TAS2R1: variants seen among roughly 807,000 people sequenced by gnomAD.
TAS2R1 encodes the protein taste receptor type 2 member 1.
For missense variants in TAS2R1, 370 were observed against 353.4 expected (o/e 1.05, Z -0.38); for synonymous variants, 141 against 134.2 (o/e 1.05, Z -0.35).
intron 1 of TAS2R1, among the ~76,000 whole-genome samples, chr5:9,691,627 G>T (rs994219702): frequency 7.2e-5 from 11 of 152,248 alleles, no homozygotes; most frequent in African/African-American, 2.7e-4. Context: ...AAACTGGCAT[G>T]AAGACTGAAG....
the TAS2R1 span, among the ~76,000 whole-genome samples, chr5:9,845,782 A>G: frequency 6.6e-6 from 1 of 152,264 alleles, no homozygotes; most frequent in Non-Finnish European, 1.5e-5. Flanking sequence ...GCAATGGATT[A>G]TTAGAGTAAT....
intron 2 of TAS2R1, chr5:9,658,935 T>C (rs1740471633): frequency 6.6e-6 from 1 of 152,224 alleles, no homozygotes. Context: ...ACTATAGCAT[T>C]CCACAAAATC....
At chr5:9,679,325 G>A (rs188185584) in intron 1 of TAS2R1, among the ~76,000 whole-genome samples, 34 of 152,286 alleles carry the variant, frequency 2.2e-4, no homozygotes, top group Admixed American at 1.4e-3. Context: ...ATTTTATAGC[G>A]CAAAGAACGA....
At chr5:9,733,657 C>G in the TAS2R1 span, among the ~76,000 whole-genome samples, 2 of 152,158 alleles carry the variant, frequency 1.3e-5, no homozygotes, top group African/African-American at 4.8e-5. Context: ...AAGCTTGAAG[C>G]TCGTGTGGAA....
intron 1 of TAS2R1, among the ~76,000 whole-genome samples, chr5:9,673,656 G>T (rs931884014): frequency 3.3e-5 from 5 of 151,032 alleles, no homozygotes; most frequent in African/African-American, 1.2e-4. Flanking sequence ...AAAAAAAACA[G>T]AATTTATCCA....
Position 9,629,201 on chromosome 5 carries a change from T to G in TAS2R1, c.832A>C (p.Ile278Leu). The G allele has an allele frequency of 2.5e-6, 4 of 1,596,346 alleles. No individual in the cohort carries two copies. Among genetic ancestry groups the G allele is most frequent in the Non-Finnish European group, 3.4e-6 (4 of 1,174,096 alleles). ...IYPSGHSLIL[I>L]LGNPKLKQNA... Reference sequence around the variant, plus strand: ...TGTTTCAATTTAGGATTTCCTAAAATTAAGATGAGAGAGTGTCCAGAAGGG... The same window carrying G: ...TGTTTCAATTTAGGATTTCCTAAAAGTAAGATGAGAGAGTGTCCAGAAGGG... Residue 278 changes from isoleucine to leucine, a missense_variant, in exon 1 of 1, where the codon ATT (isoleucine) becomes CTT (leucine). Ile to Leu is a conservative substitution (Grantham distance 5). Coordinates refer to ENST00000382492, the MANE Select transcript of TAS2R1 (RefSeq NM_019599.3).
At chr5:9,894,369 ACT>A in the TAS2R1 span, among the ~76,000 whole-genome samples, 1 of 151,848 alleles carries the variant, frequency 6.6e-6, no homozygotes, top group Non-Finnish European at 1.5e-5. Context: ...ACGCCATTGT[ACT>A]CCAGCCGTGA....
the TAS2R1 span, among the ~76,000 whole-genome samples, chr5:9,893,102 A>G: frequency 6.6e-6 from 1 of 152,166 alleles, no homozygotes; most frequent in African/African-American, 2.4e-5. Context: ...GGTTCCCCCA[A>G]TAATTCTTAC....
chr5:9,714,248 G>A (rs1474481512), upstream of TAS2R1: 1 of 152,182 alleles, frequency 6.6e-6, no homozygotes, highest in East Asian at 1.9e-4. Flanking sequence ...ATCTGTAAAT[G>A]GGATGTAGAT....
the TAS2R1 span, among the ~76,000 whole-genome samples, chr5:9,847,602 G>C: frequency 3.0e-3 from 464 of 152,330 alleles, 4 homozygotes; most frequent in East Asian, 0.046. Context: ...CCAGGGACTG[G>C]CTTGAGCCAA....
chr5:9,808,338 T>A, the TAS2R1 span, among the ~76,000 whole-genome samples: 1 of 152,170 alleles, frequency 6.6e-6, no homozygotes, highest in Non-Finnish European at 1.5e-5. Context: ...ATAAATGAAG[T>A]TAGCTATTTA....
the TAS2R1 span, among the ~76,000 whole-genome samples, chr5:9,835,356 C>T: frequency 6.6e-6 from 1 of 152,196 alleles, no homozygotes; most frequent in Non-Finnish European, 1.5e-5. Context: ...CACCTTTTTT[C>T]TGCCCACTGG....
At chr5:9,799,904 G>A in the TAS2R1 span, among the ~76,000 whole-genome samples, 1 of 152,030 alleles carries the variant, frequency 6.6e-6, no homozygotes, top group African/African-American at 2.4e-5. Flanking sequence ...AACGTTTTTC[G>A]TAAGATTATT....
At chr5:9,820,293 T>C in the TAS2R1 span, among the ~76,000 whole-genome samples, 7 of 152,146 alleles carry the variant, frequency 4.6e-5, no homozygotes, top group African/African-American at 7.2e-5. Context: ...GAAAGATAAA[T>C]TGTAGGACAA....
the TAS2R1 span, among the ~76,000 whole-genome samples, chr5:9,847,636 TC>T: frequency 5.3e-5 from 8 of 152,334 alleles, no homozygotes; most frequent in African/African-American, 1.9e-4. Flanking sequence ...CTTTGGAGCA[TC>T]AACGACAAGC....
At chr5:9,819,991 AC>A in the TAS2R1 span, among the ~76,000 whole-genome samples, 29 of 151,896 alleles carry the variant, frequency 1.9e-4, 1 homozygote, top group East Asian at 5.6e-3. Flanking sequence ...ACATAAAGAG[AC>A]CCCCAGCTCC....
chr5:9,642,227 G>T (rs1379861718), intron 2 of TAS2R1, among the ~76,000 whole-genome samples: 2 of 152,128 alleles, frequency 1.3e-5, no homozygotes, highest in Non-Finnish European at 2.9e-5. Context: ...CATTTGCTTT[G>T]GTATTAGAGG....
intron 1 of TAS2R1, among the ~76,000 whole-genome samples, chr5:9,699,050 G>A (rs980002209): frequency 6.6e-6 from 1 of 152,190 alleles, no homozygotes; most frequent in Non-Finnish European, 1.5e-5. Context: ...CTCACTCAGA[G>A]TCCTTAGTAC....
At chr5:9,830,101 A>T in the TAS2R1 span, among the ~76,000 whole-genome samples, 1 of 152,188 alleles carries the variant, frequency 6.6e-6, no homozygotes, top group South Asian at 2.1e-4. Context: ...AGCTTTGGCC[A>T]TGAAGGGAAG....
Sources: allele counts gnomAD v4.1 joint callset (sites outside exome capture counted in the v4.1 genomes callset), GRCh38; gene constraint gnomAD v4.1.1; transcripts MANE v1.5; gene names NCBI Gene and HGNC (gene_info 2026-07-23, HGNC 2026-07-21).